The following FHIT variants were observed in gnomAD, a reference collection of about 807,000 sequenced individuals.
FHIT encodes fragile histidine triad diadenosine triphosphatase.
In FHIT, 19 loss-of-function variants were observed where a neutral mutation model predicts 17.9. The ratio of observed to expected loss-of-function variants is 1.06; its 90% CI spans 0.74 to 1.56. The LOEUF (loss-of-function observed/expected upper bound fraction) is 1.56, where lower values mean the gene tolerates loss of function less well. FHIT is among the 40% of genes most tolerant of loss of function. FHIT has a pLI of 0.00. For synonymous variants in FHIT, 81 were observed against 69.7 expected, an observed-to-expected ratio of 1.16 and a Z score of -0.81; for missense variants, 248 against 189.2, an observed-to-expected ratio of 1.31 and a Z score of -1.82.
chr3:60,055,571 G>A (rs1357410890), intron 5 of FHIT, among the ~76,000 whole-genome samples: 1 of 151,574 alleles, frequency 6.6e-6, no homozygotes, highest in Non-Finnish European at 1.5e-5. Context: ...AAACTGTATT[G>A]CAAACAATGA....
At chr3:60,333,790 A>C (rs536559403) in intron 5 of FHIT, among the ~76,000 whole-genome samples, 1 of 152,258 alleles carries the variant, frequency 6.6e-6, no homozygotes, top group Non-Finnish European at 1.5e-5. Context: ...TTTCTCAAGA[A>C]ACCAACCGTC....
rs115843916 is a variant in FHIT at position 60,823,479 on chromosome 3, C to T, written c.-110-1468G>A. 3.9e-3 allele frequency among the ~76,000 whole-genome samples: 598 copies of T among 152,132 alleles called. 5 individuals are homozygous for T. Among genetic ancestry groups the T allele is most frequent in the African/African-American group, 0.013 (545 of 41,486 alleles). On this transcript the variant is annotated intron_variant, in intron 3 of 9. Coordinates refer to ENST00000492590, the MANE Select transcript of FHIT (RefSeq NM_002012.4). ...ATGATTGGATATAAGAGGATGACCA[C>T]GTGAAGACACAGAGACACACGGGAG...
chr3:61,013,423 C>T (rs1282120207), intron 3 of FHIT, among the ~76,000 whole-genome samples: 1 of 152,184 alleles, frequency 6.6e-6, no homozygotes, highest in Non-Finnish European at 1.5e-5. Context: ...AAATAACAAT[C>T]TTCTCCAGTG....
intron 8 of FHIT, among the ~76,000 whole-genome samples, chr3:59,765,716 A>G (rs1032058798): frequency 6.6e-6 from 1 of 152,252 alleles, no homozygotes; most frequent in Non-Finnish European, 1.5e-5. Flanking sequence ...ATCTACAACA[A>G]TATGACTGCC....
At chr3:60,810,233 AC>A (rs1294288721) in intron 4 of FHIT, among the ~76,000 whole-genome samples, 1 of 152,162 alleles carries the variant, frequency 6.6e-6, no homozygotes, top group Non-Finnish European at 1.5e-5. Context: ...TATAAAAGCA[AC>A]TCCATTATAA....
At chr3:61,166,425 C>T (rs891888083) in intron 2 of FHIT, among the ~76,000 whole-genome samples, 6 of 152,210 alleles carry the variant, frequency 3.9e-5, no homozygotes, top group African/African-American at 1.4e-4. Flanking sequence ...TCACCAGACA[C>T]ACTGTAGAGT....
At chr3:59,824,581 G>A (rs1436275628) in intron 8 of FHIT, among the ~76,000 whole-genome samples, 1 of 152,154 alleles carries the variant, frequency 6.6e-6, no homozygotes, top group Non-Finnish European at 1.5e-5. Context: ...TAAATAAATT[G>A]GGGGAATTTC....
At chr3:61,096,092 C>A (rs1314015986) in intron 2 of FHIT, among the ~76,000 whole-genome samples, 1 of 152,186 alleles carries the variant, frequency 6.6e-6, no homozygotes, top group African/African-American at 2.4e-5. Flanking sequence ...AGTAGATGCA[C>A]TCATAACCAA....
At position 61,011,760 on chromosome 3, in the gene FHIT, A is replaced by G. The variant is rs1290499275; in HGVS notation, c.-111+30287T>C. ...AAGAATACATTGCTCCTGAGAAAAA[A>G]GTCCCATGAGAGCAAAGCAAAATGG... On this transcript the variant is annotated intron_variant, in intron 3 of 9. Transcript: ENST00000492590. 3.9e-5 allele frequency among the ~76,000 whole-genome samples: 6 copies of G among 152,152 alleles called. No homozygotes were observed. The East Asian group carries it at 1.2e-3, about 29-fold the overall frequency.
chr3:60,982,610 C>A (rs1710543377), intron 3 of FHIT, among the ~76,000 whole-genome samples: 1 of 152,104 alleles, frequency 6.6e-6, no homozygotes, highest in African/African-American at 2.4e-5. Flanking sequence ...ACAGAAAGGC[C>A]TTCCCTGACT....
intron 5 of FHIT, among the ~76,000 whole-genome samples, chr3:60,132,133 C>T (rs1269260854): frequency 1.3e-5 from 2 of 152,190 alleles, no homozygotes; most frequent in African/African-American, 4.8e-5. Context: ...GAGAGCTTTC[C>T]ATGTCCCCCT....
chr3:60,768,009 T>C (rs985229469), intron 4 of FHIT, among the ~76,000 whole-genome samples: 1 of 152,172 alleles, frequency 6.6e-6, no homozygotes, highest in Admixed American at 6.5e-5. Flanking sequence ...TTTATGTAGT[T>C]ACCTGAAGAA....
At chr3:60,961,311 T>C (rs13070030) in intron 3 of FHIT, among the ~76,000 whole-genome samples, 24,564 of 152,216 alleles carry the variant, frequency 0.16, 2,568 homozygotes, top group Middle Eastern at 0.26. Context: ...TTAAGTTCTT[T>C]GTAGATTCTG....
At chr3:59,906,932 T>C (rs762641255) in intron 8 of FHIT, among the ~76,000 whole-genome samples, 79 of 152,246 alleles carry the variant, frequency 5.2e-4, no homozygotes, top group Admixed American at 5.0e-3. Context: ...CTTTCTGCTA[T>C]GCTAATGTGA....
intron 4 of FHIT, among the ~76,000 whole-genome samples, chr3:60,539,040 C>T (rs1232415275): frequency 1.3e-5 from 2 of 152,010 alleles, no homozygotes; most frequent in East Asian, 1.9e-4. Context: ...GCAATCTACT[C>T]ATCTGACAAA....
Position 60,920,616 on chromosome 3 carries a change from T to C in FHIT, c.-110-98605A>G, listed in dbSNP as rs919816670. On this transcript the variant is annotated intron_variant, in intron 3 of 9. Coordinates refer to ENST00000492590, the MANE Select transcript of FHIT (RefSeq NM_002012.4). The stretch of plus-strand genomic sequence containing the variant: ...TGCCCCAAGCAGAGGAAACCCAACA[T>C]GCCAAGGACCTGGGGAAGAGGAAAC... 1.4e-4 allele frequency among the ~76,000 whole-genome samples: 22 copies of C among 152,134 alleles called. No homozygotes were observed. The South Asian group carries it at 4.4e-3, about 30-fold the overall frequency.
At chr3:60,045,961 C>A (rs918996363) in intron 5 of FHIT, among the ~76,000 whole-genome samples, 1 of 152,222 alleles carries the variant, frequency 6.6e-6, no homozygotes, top group Non-Finnish European at 1.5e-5. Flanking sequence ...CTGTACATTT[C>A]TACAGCCAAC....
At chr3:60,425,433 T>C (rs1345816389) in intron 5 of FHIT, among the ~76,000 whole-genome samples, 3 of 152,166 alleles carry the variant, frequency 2.0e-5, no homozygotes, top group Admixed American at 1.3e-4. Flanking sequence ...ATCATTCAAA[T>C]GTGAAATCAT....
At chr3:60,531,851 G>C (rs941041394) in intron 5 of FHIT, among the ~76,000 whole-genome samples, 1 of 152,188 alleles carries the variant, frequency 6.6e-6, no homozygotes, top group Non-Finnish European at 1.5e-5. Flanking sequence ...TCTTTGGAAA[G>C]TTAATATTCC....
Sources: gnomAD v4.1 joint callset for allele counts (sites outside exome capture counted in the v4.1 genomes callset) on GRCh38, gnomAD v4.1.1 for gene constraint, MANE v1.5 for transcripts, NCBI Gene and HGNC (gene_info 2026-07-23, HGNC 2026-07-21) for gene names.